RALGAPA2: variants seen among roughly 807,000 people sequenced by gnomAD.
The protein encoded by RALGAPA2 is ral GTPase-activating protein subunit alpha-2.
In RALGAPA2, 139 loss-of-function variants were observed where a neutral mutation model predicts 230.4. That is an observed-to-expected ratio of 0.60 (90% CI 0.53 to 0.69). The LOEUF (loss-of-function observed/expected upper bound fraction) is 0.69. Among genes scored for constraint, RALGAPA2 ranks in the 30% least tolerant of loss-of-function variants. The probability of loss-of-function intolerance (pLI) is 0.00; values close to 1 mark genes in which losing one functional copy is unlikely to be tolerated. For synonymous variants in RALGAPA2, 847 were observed against 837.8 expected (o/e 1.01, Z -0.19); for missense variants, 2,163 against 2,276.0 (o/e 0.95, Z 1.01).
chr20:20,488,935 G>T (rs961076145), intron 36 of RALGAPA2, among the ~76,000 whole-genome samples: 2 of 152,142 alleles, frequency 1.3e-5, no homozygotes, highest in Admixed American at 1.3e-4. Flanking sequence ...GGGACTAATT[G>T]CTGGGCATTA....
chr20:20,593,166 G>A (rs534156229), intron 16 of RALGAPA2, among the ~76,000 whole-genome samples: 11 of 152,346 alleles, frequency 7.2e-5, no homozygotes, highest in African/African-American at 2.2e-4. Context: ...GCCTTCCAAA[G>A]TGCTGGGATT....
At chr20:20,625,902 T>C (rs1389466911) in intron 10 of RALGAPA2, among the ~76,000 whole-genome samples, 1 of 152,178 alleles carries the variant, frequency 6.6e-6, no homozygotes, top group East Asian at 1.9e-4. Flanking sequence ...CTACTTCAGT[T>C]ACTGTCTATT....
At chr20:20,603,500 G>C (rs930377970) in intron 15 of RALGAPA2, among the ~76,000 whole-genome samples, 3 of 152,126 alleles carry the variant, frequency 2.0e-5, no homozygotes, top group African/African-American at 7.2e-5. Flanking sequence ...TAGCAAAACT[G>C]AACAAGCAGA....
intron 4 of RALGAPA2, among the ~76,000 whole-genome samples, chr20:20,643,887 T>C (rs968420416): frequency 9.2e-5 from 14 of 152,172 alleles, no homozygotes; most frequent in African/African-American, 3.4e-4. Flanking sequence ...GTAAAACAAT[T>C]GCTCACAAAA....
intron 20 of RALGAPA2, among the ~76,000 whole-genome samples, chr20:20,575,248 A>G (rs6035651): frequency 0.085 from 12,891 of 152,136 alleles, 795 homozygotes; most frequent in African/African-American, 0.16. Context: ...TTTCTGGCCT[A>G]GATTTCTTTC....
chr20:20,701,435 GAACACAAATA>G (rs1568774104), intron 1 of RALGAPA2, among the ~76,000 whole-genome samples: 1 of 152,214 alleles, frequency 6.6e-6, no homozygotes, highest in Non-Finnish European at 1.5e-5. Flanking sequence ...GATAAGGCAT[GAACACAAATA>G]AACATGGTGT....
At position 20,492,742 on chromosome 20, in the gene RALGAPA2, C is replaced by G. The variant is rs1030971392; in HGVS notation, c.5367+2375G>C. Among the ~76,000 whole-genome samples the G allele has an allele frequency of 2.0e-5, 3 of 152,162 alleles. No individual in the cohort carries two copies. In the East Asian group the frequency reaches 5.8e-4, roughly 29 times the overall value. On this transcript the variant is annotated intron_variant, in intron 36 of 39. Coordinates refer to ENST00000202677, the MANE Select transcript of RALGAPA2 (RefSeq NM_020343.4). Reference sequence around the variant, plus strand: ...CATTGTCCGTAATATCCTCATGCATCTGGGACGCGTGGAATGCATTCATAC... The same window carrying G: ...CATTGTCCGTAATATCCTCATGCATGTGGGACGCGTGGAATGCATTCATAC...
chr20:20,529,284 G>A (rs73290955), intron 27 of RALGAPA2, among the ~76,000 whole-genome samples: 6 of 152,148 alleles, frequency 3.9e-5, no homozygotes, highest in Non-Finnish European at 7.3e-5. Flanking sequence ...CTATCCAGAG[G>A]GGGGAGGATT....
intron 27 of RALGAPA2, among the ~76,000 whole-genome samples, chr20:20,527,696 T>G (rs962199308): frequency 1.3e-5 from 2 of 152,100 alleles, no homozygotes; most frequent in African/African-American, 4.8e-5. Context: ...TTACAGGCTA[T>G]CAGCGCTGAC....
chr20:20,598,277 T>C (rs956963739), intron 16 of RALGAPA2, among the ~76,000 whole-genome samples: 2 of 152,180 alleles, frequency 1.3e-5, no homozygotes, highest in Non-Finnish European at 2.9e-5. Context: ...TACATACATT[T>C]TTCTAGTTTA....
intron 23 of RALGAPA2, among the ~76,000 whole-genome samples, chr20:20,558,808 A>T (rs1436233387): frequency 8.5e-6 from 1 of 117,076 alleles, no homozygotes; most frequent in Non-Finnish European, 1.9e-5. Flanking sequence ...CAACTCTGCT[A>T]AAAAAAAAAA....
intron 31 of RALGAPA2, among the ~76,000 whole-genome samples, chr20:20,518,130 A>G (rs1236668199): frequency 6.6e-6 from 1 of 151,702 alleles, no homozygotes; most frequent in East Asian, 2.0e-4. Context: ...ATCGTGGCTC[A>G]TTGCAACCTC....
intron 35 of RALGAPA2, among the ~76,000 whole-genome samples, chr20:20,496,617 T>C (rs775609880): frequency 6.6e-6 from 1 of 152,230 alleles, no homozygotes; most frequent in South Asian, 2.1e-4. Context: ...TTTAATAAAA[T>C]AGAGATGTGT....
At chr20:20,650,100 G>A (rs1057196937) in intron 4 of RALGAPA2, among the ~76,000 whole-genome samples, 1 of 152,142 alleles carries the variant, frequency 6.6e-6, no homozygotes, top group Non-Finnish European at 1.5e-5. Flanking sequence ...AACATCACTT[G>A]AAGAAATACC....
intron 37 of RALGAPA2, among the ~76,000 whole-genome samples, chr20:20,456,980 A>G (rs2061137232): frequency 6.6e-6 from 1 of 152,188 alleles, no homozygotes; most frequent in Non-Finnish European, 1.5e-5. Flanking sequence ...TCTTGCAAAA[A>G]TCATGATGCT....
At chr20:20,641,800 A>G (rs1360155006) in intron 5 of RALGAPA2, among the ~76,000 whole-genome samples, 1 of 152,086 alleles carries the variant, frequency 6.6e-6, no homozygotes, top group Non-Finnish European at 1.5e-5. Flanking sequence ...ACTCCACCAG[A>G]GCAAGAATAT....
intron 37 of RALGAPA2, among the ~76,000 whole-genome samples, chr20:20,426,844 A>C (rs961349582): frequency 1.3e-5 from 2 of 152,220 alleles, no homozygotes; most frequent in South Asian, 4.1e-4. Context: ...CATCAACCAA[A>C]GATTACATTT....
At chr20:20,615,419 C>A (rs1013531040) in intron 13 of RALGAPA2, among the ~76,000 whole-genome samples, 2 of 152,074 alleles carry the variant, frequency 1.3e-5, no homozygotes, top group African/African-American at 2.4e-5. Context: ...ACCTCGGCCT[C>A]CCAAAGTGCT....
At chr20:20,530,103 T>C (rs1407607155) in intron 27 of RALGAPA2, among the ~76,000 whole-genome samples, 1 of 152,224 alleles carries the variant, frequency 6.6e-6, no homozygotes, top group Non-Finnish European at 1.5e-5. Flanking sequence ...TCAGGAGGTA[T>C]CCCACACACC....
Sources: allele counts gnomAD v4.1 joint callset (sites outside exome capture counted in the v4.1 genomes callset), GRCh38; gene constraint gnomAD v4.1.1; transcripts MANE v1.5; gene names NCBI Gene and HGNC (gene_info 2026-07-23, HGNC 2026-07-21).